The following VSTM1 variants were observed in gnomAD, a reference collection of about 807,000 sequenced individuals.
VSTM1 encodes the protein V-set and transmembrane domain containing 1, also known as V-set and transmembrane domain-containing protein 1.
In VSTM1, 27 loss-of-function variants were observed where a neutral mutation model predicts 33.1. The observed-to-expected ratio is 0.82, with a 90% confidence interval of 0.60 to 1.12. The LOEUF is 1.12. VSTM1 is among the 50% of genes most tolerant of loss of function. The pLI is 0.00. For synonymous variants in VSTM1, 115 were observed against 110.3 expected (o/e 1.04, Z -0.27); for missense variants, 304 against 288.9 (o/e 1.05, Z -0.38).
intron 4 of VSTM1, among the ~76,000 whole-genome samples, chr19:54,045,806 G>T (rs2070553809): frequency 6.6e-6 from 1 of 151,528 alleles, no homozygotes; most frequent in Non-Finnish European, 1.5e-5. Flanking sequence ...TATCTAGCTA[G>T]CTTTATCTAG....
At chr19:54,048,422 T>C (rs900506166) in intron 4 of VSTM1, 2 of 327,498 alleles carry the variant, frequency 6.1e-6, no homozygotes, top group East Asian at 2.1e-4. Context: ...GGCAAAGATA[T>C]TTTATTCTGT....
chr19:54,044,867 T>C (rs2070494121), intron 4 of VSTM1, among the ~76,000 whole-genome samples: 2 of 152,200 alleles, frequency 1.3e-5, no homozygotes, highest in Admixed American at 6.5e-5. Context: ...TTTTTGTTTT[T>C]CTTGGCACTT....
chr19:54,041,848 C>T, intron 7 of VSTM1, 32 bp from the exon 8 acceptor site: 1 of 1,613,616 alleles, frequency 6.2e-7, no homozygotes, highest in Non-Finnish European at 8.5e-7. Context: ...AAAATCAGTT[C>T]TCAGCTGCAG....
intron 8 of VSTM1, among the ~76,000 whole-genome samples, chr19:54,041,295 A>G (rs192971465): frequency 6.6e-6 from 1 of 151,264 alleles, no homozygotes; most frequent in Admixed American, 6.6e-5. Context: ...CATTTTTTTT[A>G]AATTTTTATT....
chr19:54,053,858 G>C (rs17273225), intron 3 of VSTM1, among the ~76,000 whole-genome samples: 9,113 of 142,014 alleles, frequency 0.064, 1,725 homozygotes, highest in Admixed American at 0.12. Flanking sequence ...TACTCTGATA[G>C]CTTGCTCTTA....
At chr19:54,042,136 A>AC (rs34610948) in intron 6 of VSTM1, 33 bp downstream of exon 6, 668,357 of 1,612,820 alleles carry the variant, frequency 0.41, 142,134 homozygotes, top group African/African-American at 0.5. Flanking sequence ...TGACATGGGA[A>AC]TAAGTGGAGC....
At chr19:54,062,852 C>T (rs932955972) in intron 1 of VSTM1, among the ~76,000 whole-genome samples, 1 of 152,118 alleles carries the variant, frequency 6.6e-6, no homozygotes, top group African/African-American at 2.4e-5. Flanking sequence ...GTCCACCGCA[C>T]CCCCCGTGCA....
chr19:54,053,620 A>G (rs973754825), intron 3 of VSTM1, among the ~76,000 whole-genome samples: 3 of 141,896 alleles, frequency 2.1e-5, no homozygotes, highest in South Asian at 2.3e-4. Context: ...TCAAGCCTCC[A>G]GATGAGCCAG....
chr19:54,044,340 C>A (rs568830494), intron 4 of VSTM1, among the ~76,000 whole-genome samples: 4 of 152,238 alleles, frequency 2.6e-5, no homozygotes, highest in African/African-American at 7.2e-5. Flanking sequence ...AGGTGGATCA[C>A]TTGAGGTCTG....
intron 1 of VSTM1, among the ~76,000 whole-genome samples, chr19:54,059,497 T>A (rs2071280378): frequency 6.6e-6 from 1 of 152,194 alleles, no homozygotes; most frequent in African/African-American, 2.4e-5. Context: ...AGACAGAGTC[T>A]CGCTGTGTCA....
intron 3 of VSTM1, among the ~76,000 whole-genome samples, chr19:54,057,211 C>T (rs117438426): frequency 0.055 from 7,673 of 140,112 alleles, 1,425 homozygotes; most frequent in Non-Finnish European, 0.086. Context: ...CCATGTCCCA[C>T]GACAGGAAAA....
intron 1 of VSTM1, among the ~76,000 whole-genome samples, chr19:54,059,594 C>T (rs1600163214): frequency 6.6e-6 from 1 of 151,902 alleles, no homozygotes; most frequent in East Asian, 2.0e-4. Context: ...CCTCAGGCTC[C>T]AGAGTAGCTG....
chr19:54,063,372 A>G (rs1378681641), intron 1 of VSTM1, among the ~76,000 whole-genome samples: 1 of 151,962 alleles, frequency 6.6e-6, no homozygotes, highest in Non-Finnish European at 1.5e-5. Flanking sequence ...ATAAATAAAT[A>G]AGAGAGAGAG....
chr19:54,054,776 G>A lies in VSTM1; in HGVS notation c.356-3328C>T, dbSNP rs1162416712. Among the ~76,000 whole-genome samples the A allele has an allele frequency of 5.8e-5, 8 of 138,230 alleles. 1 individual carries two copies. Among genetic ancestry groups the A allele is most frequent in the African/African-American group, 2.1e-4 (8 of 37,274 alleles). The allele number at this position is 138,230 out of a possible 152,430, so 90.7% of individuals were successfully genotyped here. A position where few individuals can be genotyped will look rare whatever the true frequency, so the allele number is the denominator to read the frequency against. ...GGGTAAATAGATGGGTAGGTAGGTA[G>A]ATAGATGGATGAAGGGGTGGGTGGA... On this transcript the variant is annotated intron_variant, in intron 3 of 8. Transcript: ENST00000338372.
chr19:54,051,850 TC>T (rs2070854796), intron 3 of VSTM1, among the ~76,000 whole-genome samples: 1 of 152,020 alleles, frequency 6.6e-6, no homozygotes, highest in Non-Finnish European at 1.5e-5. Context: ...AACCTCCGCC[TC>T]CCGGGTTCAA....
intron 4 of VSTM1, among the ~76,000 whole-genome samples, chr19:54,042,814 A>ATATATATG (rs1371648562): frequency 0.034 from 1,479 of 43,420 alleles, 47 homozygotes; most frequent in African/African-American, 0.093. Context: ...GTGTATATAT[A>ATATATATG]TATATATATA....
At position 54,044,824 on chromosome 19, in the gene VSTM1, C is replaced by G. The variant is rs187674048; in HGVS notation, c.395-2455G>C. 2.6e-3 allele frequency among the ~76,000 whole-genome samples: 401 copies of G among 152,280 alleles called. 3 individuals carry two copies. Among genetic ancestry groups the G allele is most frequent in the South Asian group, 2.9e-3 (14 of 4,828 alleles). ...AAGAGAGAGCAACCTGTTACTAAAG[C>G]TAGGCGACAGAGTCCATGCAGTTCC... is the stretch of plus-strand genomic sequence containing the variant. On this transcript the variant is annotated intron_variant, in intron 4 of 8. Transcript: ENST00000338372.
rs530180051 is a variant in VSTM1 at position 54,052,169 on chromosome 19, C to T, written c.356-721G>A. Among the ~76,000 whole-genome samples, 936 of 151,340 alleles carry T rather than the reference C, an allele frequency of 6.2e-3. 11 individuals carry two copies. The highest frequency in any genetic ancestry group is 0.021 in the African/African-American group (888 of 41,308). On this transcript the variant is annotated intron_variant, in intron 3 of 8. Coordinates refer to ENST00000338372, the MANE Select transcript of VSTM1 (RefSeq NM_198481.4). The stretch of plus-strand genomic sequence containing the variant: ...ATCCCAGCACTTTGGGAGGCCGAGG[C>T]GGGCAGATCACAAGGTCAGGAGATC...
At chr19:54,056,214 C>CTTT (rs869203085) in intron 3 of VSTM1, among the ~76,000 whole-genome samples, 419 of 39,126 alleles carry the variant, frequency 0.011, 50 homozygotes, top group African/African-American at 0.036. Flanking sequence ...CTTTTCTTTT[C>CTTT]TTTTTTTTTT....
Sources: allele counts gnomAD v4.1 joint callset (sites outside exome capture counted in the v4.1 genomes callset), GRCh38; gene constraint gnomAD v4.1.1; transcripts MANE v1.5; gene names NCBI Gene and HGNC (gene_info 2026-07-23, HGNC 2026-07-21).